The following COL3A1 variants were observed in gnomAD, a reference collection of about 807,000 sequenced individuals.
The protein encoded by COL3A1 is collagen alpha-1(III) chain.
In COL3A1, 46 loss-of-function variants were observed where a neutral mutation model predicts 200.9. The ratio of observed to expected loss-of-function variants is 0.23; its 90% CI spans 0.18 to 0.29. The LOEUF (loss-of-function observed/expected upper bound fraction) is 0.29. COL3A1 is among the 10% of genes least tolerant of loss of function. The probability of loss-of-function intolerance (pLI) is 1.00; values close to 1 mark genes in which losing one functional copy is unlikely to be tolerated. For synonymous variants in COL3A1, 650 were observed against 628.0 expected (o/e 1.03, Z -0.52); for missense variants, 1,367 against 1,917.6 (o/e 0.71, Z 5.36).
intron 1 of COL3A1, among the ~76,000 whole-genome samples, chr2:188,983,430 A>G (rs976470709): frequency 2.0e-5 from 3 of 151,970 alleles, no homozygotes; most frequent in Non-Finnish European, 4.4e-5. Flanking sequence ...CTAGGTTTTG[A>G]AATTCTTTTT....
At chr2:189,005,534 T>C in intron 41 of COL3A1, 77 bp downstream of exon 41, 1 of 1,162,876 alleles carries the variant, frequency 8.6e-7, no homozygotes, top group East Asian at 2.4e-5. Context: ...TGAGCTTTAA[T>C]GTCTAAGAGT....
chr2:188,991,187 A>G, intron 11 of COL3A1, 130 bp downstream of exon 11: 1 of 900,306 alleles, frequency 1.1e-6, no homozygotes, highest in South Asian at 1.6e-5. Context: ...AGGTGTGAAT[A>G]ATGGTAACCA....
At chr2:188,998,554 C>G in intron 28 of COL3A1, 120 bp from the exon 29 acceptor site, 1 of 1,108,308 alleles carries the variant, frequency 9.0e-7, no homozygotes, top group Non-Finnish European at 1.3e-6. Flanking sequence ...ATACAGTATG[C>G]CAACATGACA....
At chr2:188,978,364 T>C (rs1389968221) in intron 1 of COL3A1, among the ~76,000 whole-genome samples, 1 of 152,004 alleles carries the variant, frequency 6.6e-6, no homozygotes, top group Non-Finnish European at 1.5e-5. Flanking sequence ...AGGATTATAG[T>C]TGAGGCTAAA....
chr2:188,985,414 T>A (rs1187151945), intron 3 of COL3A1, among the ~76,000 whole-genome samples, 167 bp downstream of exon 3: 1 of 152,022 alleles, frequency 6.6e-6, no homozygotes, highest in African/African-American at 2.4e-5. Context: ...GTGTAAAGAT[T>A]TCAATTTCCC....
intron 1 of COL3A1, among the ~76,000 whole-genome samples, chr2:188,975,538 A>G (rs755139932): frequency 2.6e-5 from 4 of 152,230 alleles, no homozygotes; most frequent in Admixed American, 6.5e-5. Flanking sequence ...AGCTAGGAGA[A>G]ATTATTAGAC....
At position 188,988,734 on chromosome 2, in the gene COL3A1, A is replaced by G. The variant is rs56094115; in HGVS notation, c.636+91A>G. 2,489 of 857,830 alleles carry G rather than the reference A, an allele frequency of 2.9e-3. 55 individuals are homozygous for G. In the African/African-American group the frequency reaches 0.038, roughly 13 times the overall value. 53.1% of individuals were successfully genotyped at this position (857,830 alleles called of 1,614,324 possible). A position where few individuals can be genotyped will look rare whatever the true frequency, so the allele number is the denominator to read the frequency against. ...TAAAACAAGTATAGGTCTTTACAGA[A>G]TGAAGATTAAATTTACCCTTAAGTT... is the stretch of plus-strand genomic sequence containing the variant. On this transcript the variant is annotated intron_variant, in intron 7 of 50. Coordinates refer to ENST00000304636, the MANE Select transcript of COL3A1 (RefSeq NM_000090.4).
At chr2:188,995,591 T>G (rs1260111620) in intron 21 of COL3A1, 101 bp from the exon 22 acceptor site, 1 of 786,382 alleles carries the variant, frequency 1.3e-6, no homozygotes, top group Admixed American at 2.5e-5. Flanking sequence ...GAACCCTTTT[T>G]AAAAGTTCAA....
At chr2:188,977,965 T>C (rs1367734905) in intron 1 of COL3A1, 1 of 281,846 alleles carries the variant, frequency 3.5e-6, no homozygotes, top group South Asian at 3.2e-5. Flanking sequence ...GTAAATAAAG[T>C]ATTATAACAC....
rs750595642 is a variant in COL3A1 at position 189,008,109 on chromosome 2, G to A, written c.3492G>A (p.Gly1164=). The A allele has an allele frequency of 1.5e-5, 25 of 1,613,804 alleles. No homozygotes were observed. The highest frequency in any genetic ancestry group is 2.1e-5 in the Non-Finnish European group (25 of 1,179,842). Residue 1164 remains glycine (G), a synonymous_variant, in exon 47 of 51, where the codon GGG becomes GGA. Coordinates refer to ENST00000304636, the MANE Select transcript of COL3A1 (RefSeq NM_000090.4). ...ATCCAGGTCCCATTGGACCACCAGGGCCTCGAGGTAACAGAGGTGAAAGAG... is the reference window on the plus strand; with the variant it reads ...ATCCAGGTCCCATTGGACCACCAGGACCTCGAGGTAACAGAGGTGAAAGAG... ...SGHPGPIGPP[G]PRGNRGERGS...
At chr2:189,001,295 ATCTAGTTTATTAGGTATCTATG>A in intron 32 of COL3A1, 80 bp from the exon 33 acceptor site, 1 of 1,126,668 alleles carries the variant, frequency 8.9e-7, no homozygotes. Flanking sequence ...AAAGTATGTT[ATCTAGTTTATTAGGTATCTATG>A]TCTATATACT....
intron 26 of COL3A1, 119 bp downstream of exon 26, chr2:188,997,508 A>C: frequency 8.1e-7 from 1 of 1,241,214 alleles, no homozygotes; most frequent in Non-Finnish European, 1.2e-6. Flanking sequence ...AGCAATGATG[A>C]AACTTGCTGA....
chr2:188,988,167 C>T, intron 6 of COL3A1, 33 bp downstream of exon 6: 1 of 1,574,714 alleles, frequency 6.4e-7, no homozygotes, highest in Non-Finnish European at 8.7e-7. Context: ...TTTTCTTCCT[C>T]ATTTTTAGAA....
At chr2:188,977,937 AT>A (rs780234507) in intron 1 of COL3A1, among the ~76,000 whole-genome samples, 20 of 152,074 alleles carry the variant, frequency 1.3e-4, no homozygotes, top group Non-Finnish European at 2.1e-4. Context: ...AAAAGAAATT[AT>A]CACCAGTTCT....
chr2:188,974,564 G>A lies in COL3A1; in HGVS notation c.75G>A (p.Gln25=). Residue 25 remains glutamine (Q), a synonymous_variant, in exon 1 of 51, where the codon CAG becomes CAA. Transcript: ENST00000304636. The part of the protein sequence containing the change: ...LLHPTIILAQ[Q]EAVEGGCSHL... ...ATCCCACTATTATTTTGGCACAACA[G>A]GAAGGTGAGTAGGTACTGATTTCAA... 6.2e-7 allele frequency: 1 copy of A among 1,613,614 alleles called. No homozygotes were observed. Among genetic ancestry groups the A allele is most frequent in the East Asian group, 2.2e-5 (1 of 44,872 alleles).
In COL3A1 at chr2:189,008,209, G is replaced by T. The variant is rs980183573; in HGVS notation, c.3525+67G>T. ...ATCTTCCAATTTTCAGAAACACAGC[G>T]CATTATGTTTAAATTGAAATAGAGA... On this transcript the variant is annotated intron_variant, in intron 47 of 50. Transcript: ENST00000304636. 5.2e-6 allele frequency: 7 copies of T among 1,348,940 alleles called. No individual in the cohort carries two copies. In the Admixed American group the frequency reaches 1.4e-4, roughly 26 times the overall value. The allele number at this position is 1,348,940 out of a possible 1,614,324, so 83.6% of individuals were successfully genotyped here. A position where few individuals can be genotyped will look rare whatever the true frequency, so the allele number is the denominator to read the frequency against.
chr2:189,000,203 C>A (rs1688426160), intron 32 of COL3A1, among the ~76,000 whole-genome samples: 1 of 152,056 alleles, frequency 6.6e-6, no homozygotes, highest in Non-Finnish European at 1.5e-5. Context: ...CATTAAGAAA[C>A]TAAAAGTCAT....
intron 21 of COL3A1, 40 bp downstream of exon 21, chr2:188,995,139 C>T (rs750963739): frequency 1.3e-6 from 2 of 1,540,658 alleles, no homozygotes; most frequent in Admixed American, 1.7e-5. Context: ...ATGCTAGCAC[C>T]ACAAATGGGC....
chr2:188,990,379 T>C lies in COL3A1; in HGVS notation c.798+19T>C. 1 of 1,609,292 alleles carries C rather than the reference T, an allele frequency of 6.2e-7. No homozygotes were observed. The highest frequency in any genetic ancestry group is 8.5e-7 in the Non-Finnish European group (1 of 1,176,120). ...ACACAGAGTAAGTAGAGTTTCTAAG[T>C]TGTTTACAAGGTATTCCACTGGGCT... On this transcript the variant is annotated intron_variant, in intron 10 of 50. Transcript: ENST00000304636.
Sources: allele counts gnomAD v4.1 joint callset (sites outside exome capture counted in the v4.1 genomes callset), GRCh38; gene constraint gnomAD v4.1.1; transcripts MANE v1.5; gene names NCBI Gene and HGNC (gene_info 2026-07-23, HGNC 2026-07-21).